Variants in CMKLR2 observed in about 807,000 individuals in gnomAD.
The protein encoded by CMKLR2 is chemerin-like receptor 2.
A neutral mutation model predicts 23.0 loss-of-function variants in CMKLR2; 18 were observed. That is an observed-to-expected ratio of 0.78 (90% CI 0.54 to 1.16). The LOEUF is 1.16. Ranked by LOEUF, CMKLR2 falls within the 50% of genes most tolerant of loss-of-function variation. The probability of loss-of-function intolerance (pLI) is 0.00; values close to 1 mark genes in which losing one functional copy is unlikely to be tolerated. For missense variants in CMKLR2, 401 were observed against 412.7 expected (o/e 0.97, Z 0.25); for synonymous variants, 158 against 158.9 (o/e 0.99, Z 0.05).
At chr2:206,198,396 CAT>C (rs1311024820) in intron 1 of CMKLR2, among the ~76,000 whole-genome samples, 2 of 152,144 alleles carry the variant, frequency 1.3e-5, no homozygotes, top group African/African-American at 4.8e-5. Context: ...CCAGGTGTCT[CAT>C]GTGGAAAATA....
Position 206,176,127 on chromosome 2 carries a change from A to G in CMKLR2, c.*53T>C, listed in dbSNP as rs1438580578. The G allele has an allele frequency of 9.6e-6, 12 of 1,256,510 alleles. No homozygotes were observed. In the Admixed American group the frequency reaches 2.8e-4, roughly 29 times the overall value. The allele number at this position is 1,256,510 out of a possible 1,614,324, so 77.8% of individuals were successfully genotyped here. ...GAAACAATTTTAATCTGAAAGCATCAGTCAGAGGACCCACATAAAAAGCCA... is the reference window on the plus strand; with the variant it reads ...GAAACAATTTTAATCTGAAAGCATCGGTCAGAGGACCCACATAAAAAGCCA... On this transcript the variant is annotated 3_prime_UTR_variant, in exon 2 of 2. Coordinates refer to ENST00000621141, the MANE Select transcript of CMKLR2 (RefSeq NM_001389445.1).
chr2:206,213,862 TA>T (rs1689657042), upstream of CMKLR2: 1 of 152,260 alleles, frequency 6.6e-6, no homozygotes, highest in South Asian at 2.1e-4. Context: ...TATTTTTATT[TA>T]TTTTTTTTGA....
intron 1 of CMKLR2, among the ~76,000 whole-genome samples, chr2:206,208,334 A>G (rs1299359660): frequency 2.0e-5 from 3 of 152,080 alleles, no homozygotes; most frequent in African/African-American, 7.2e-5. Context: ...TGAGGCCAGG[A>G]GTTTGAAACC....
Position 206,201,701 on chromosome 2 carries a change from T to C in CMKLR2, c.-29+11606A>G, listed in dbSNP as rs553069365. ...TGCCCTTGGGCTGTCTTAATAGAAT[T>C]GGGGGAGTGTTTATCCAATTCTACT... On this transcript the variant is annotated intron_variant, in intron 1 of 1. Coordinates refer to ENST00000621141, the MANE Select transcript of CMKLR2 (RefSeq NM_001389445.1). 2.6e-5 allele frequency among the ~76,000 whole-genome samples: 4 copies of C among 151,858 alleles called. No individual in the cohort carries two copies. The East Asian group carries it at 7.7e-4, about 29-fold the overall frequency.
chr2:206,192,912 T>C (rs1688799213), intron 1 of CMKLR2, among the ~76,000 whole-genome samples: 1 of 152,220 alleles, frequency 6.6e-6, no homozygotes, highest in Non-Finnish European at 1.5e-5. Flanking sequence ...TCATTCCATA[T>C]ACTTTAAATC....
chr2:206,189,724 T>C (rs1688692176), intron 1 of CMKLR2, among the ~76,000 whole-genome samples: 2 of 152,118 alleles, frequency 1.3e-5, no homozygotes, highest in African/African-American at 4.8e-5. Flanking sequence ...CACAGATCCA[T>C]GACCTAGCAA....
At chr2:206,204,720 C>T (rs892898737) in intron 1 of CMKLR2, among the ~76,000 whole-genome samples, 2 of 151,946 alleles carry the variant, frequency 1.3e-5, no homozygotes, top group East Asian at 1.9e-4. Context: ...CCACCGCACC[C>T]GGTTTGTGGG....
intron 1 of CMKLR2, among the ~76,000 whole-genome samples, chr2:206,185,986 G>A (rs1688564873): frequency 6.6e-6 from 1 of 152,080 alleles, no homozygotes; most frequent in Non-Finnish European, 1.5e-5. Context: ...TTGGACCCCT[G>A]GGTGACCTCG....
chr2:206,196,835 C>T (rs1688937960), intron 1 of CMKLR2, among the ~76,000 whole-genome samples: 1 of 152,132 alleles, frequency 6.6e-6, no homozygotes, highest in Non-Finnish European at 1.5e-5. Flanking sequence ...CAGATGTAAA[C>T]CAACTCTCAT....
chr2:206,186,842 G>A (rs1202066134), intron 1 of CMKLR2, among the ~76,000 whole-genome samples: 1 of 149,324 alleles, frequency 6.7e-6, no homozygotes, highest in Admixed American at 6.7e-5. Flanking sequence ...CCAGGCTGGA[G>A]AGCAGTGGCA....
rs145032684 is a variant in CMKLR2, at chr2:206,176,641, G to T, written c.607C>A (p.His203Asn). The T allele has an allele frequency of 7.4e-6, 12 of 1,613,908 alleles. No individual in the cohort carries two copies. Among genetic ancestry groups the T allele is most frequent in the Admixed American group, 3.3e-5 (2 of 59,998 alleles). ...KHDPDLTLIR[H>N]HVLTWVKFII... ...AATTTCACCCAAGTCAGAACATGGT[G>T]CCTGATCAAAGTGAGGTCAGGATCA... Residue 203 changes from histidine to asparagine, a missense_variant, in exon 2 of 2, where the codon CAC (histidine) becomes AAC (asparagine). His to Asn is a moderately conservative substitution (Grantham distance 68). Transcript: ENST00000621141.
rs1688256837 is a variant in CMKLR2 at position 206,177,115 on chromosome 2, A to G, written c.133T>C (p.Tyr45His). 12 of 1,614,198 alleles carry G rather than the reference A, an allele frequency of 7.4e-6. No individual in the cohort carries two copies. The highest frequency in any genetic ancestry group is 1.0e-5 in the Non-Finnish European group (12 of 1,180,016). The change falls in exon 2 of 2, where the codon TAT becomes CAT. Residue 45 changes from tyrosine (Y) to histidine (H), a missense_variant. Coordinates refer to ENST00000621141, the MANE Select transcript of CMKLR2 (RefSeq NM_001389445.1). ...ATTCCCAGAACAAAAGCCAAACAAT[A>G]TAACACCAGGGAGACCCAGTGAACA... The part of the protein sequence containing the change: ...GVVHWVSLVL[Y>H]CLAFVLGIPG...
In CMKLR2 at chr2:206,207,728, C is replaced by CTTTTTTTTTTTTTTT. The variant is rs71034423; in HGVS notation, c.-29+5564_-29+5578dup. ...ATCTGGGTCTGTCTGACCTCAGGGC[C>CTTTTTTTTTTTTTTT]TTTTTTTTTTTTTTTTTTTTTTTTT... On this transcript the variant is annotated intron_variant, in intron 1 of 1. Transcript: ENST00000621141. Among the ~76,000 whole-genome samples, 392 of 43,550 alleles carry CTTTTTTTTTTTTTTT rather than the reference C, an allele frequency of 9.0e-3. 98 individuals are homozygous for CTTTTTTTTTTTTTTT. Among genetic ancestry groups the CTTTTTTTTTTTTTTT allele is most frequent in the African/African-American group, 0.012 (96 of 8,130 alleles). 28.6% of individuals were successfully genotyped at this position (43,550 alleles called of 152,430 possible).
In CMKLR2 at chr2:206,213,342, T is replaced by A. The variant is rs1258778861; in HGVS notation, c.-64A>T. 6.6e-6 allele frequency: 1 copy of A among 152,240 alleles called. No homozygotes were observed. The highest frequency in any genetic ancestry group is 2.4e-5 in the African/African-American group (1 of 41,460). The allele number at this position is 152,240 out of a possible 1,614,324, so 9.4% of individuals were successfully genotyped here. A position where few individuals can be genotyped will look rare whatever the true frequency, so the allele number is the denominator to read the frequency against. ...TCTGTGAGGAGAGAAGCTATTGTCA[T>A]GCCTGGGTGTACCTTCCCGGTTCCA... On this transcript the variant is annotated 5_prime_UTR_variant, in exon 1 of 2. It removes an upstream start codon present in the reference 5' UTR. Coordinates refer to ENST00000621141, the MANE Select transcript of CMKLR2 (RefSeq NM_001389445.1).
At chr2:206,207,728 C>CTTTTTTTTT (rs71034423) in intron 1 of CMKLR2, among the ~76,000 whole-genome samples, 3,951 of 43,380 alleles carry the variant, frequency 0.091, 1,114 homozygotes, top group East Asian at 0.13. Context: ...ACCTCAGGGC[C>CTTTTTTTTT]TTTTTTTTTT....
upstream of CMKLR2, chr2:206,217,829 C>T (rs1689803010): frequency 6.6e-6 from 1 of 152,268 alleles, no homozygotes; most frequent in African/African-American, 2.4e-5. Context: ...TTGCCGGTGC[C>T]TGTGGCTGCT....
At chr2:206,202,485 A>C (rs1689129904) in intron 1 of CMKLR2, among the ~76,000 whole-genome samples, 1 of 152,212 alleles carries the variant, frequency 6.6e-6, no homozygotes, top group Non-Finnish European at 1.5e-5. Context: ...TTTAAAAGAC[A>C]GGTCTGGCTC....
chr2:206,196,642 A>G (rs545739383), intron 1 of CMKLR2, among the ~76,000 whole-genome samples: 6 of 152,060 alleles, frequency 3.9e-5, no homozygotes, highest in African/African-American at 1.4e-4. Context: ...TCTCACCTCC[A>G]CCTCCAGGCC....
upstream of CMKLR2, among the ~76,000 whole-genome samples, chr2:206,214,056 G>C (rs1040599667): frequency 6.6e-6 from 1 of 151,486 alleles, no homozygotes; most frequent in Non-Finnish European, 1.5e-5. Flanking sequence ...GTTTCACCAC[G>C]TTGGCCCGGC....
Sources: allele counts gnomAD v4.1 joint callset (sites outside exome capture counted in the v4.1 genomes callset), GRCh38; gene constraint gnomAD v4.1.1; transcripts MANE v1.5; gene names NCBI Gene and HGNC (gene_info 2026-07-23, HGNC 2026-07-21).